Variants in FYB2 observed in about 807,000 individuals in gnomAD.
FYB2 encodes FYN binding protein 2.
Under a neutral mutation model 94.1 loss-of-function variants are expected in FYB2, and 103 were observed. The observed-to-expected ratio is 1.09, with a 90% CI of 0.93 to 1.29. FYB2 has a LOEUF of 1.29. Ranked by LOEUF, FYB2 falls within the 50% of genes most tolerant of loss-of-function variation. The pLI is 0.00. For synonymous variants in FYB2, 293 were observed against 287.9 expected, an observed-to-expected ratio of 1.02 and a Z score of -0.18; for missense variants, 896 against 841.5, an observed-to-expected ratio of 1.06 and a Z score of -0.80.
Position 56,726,483 on chromosome 1 carries a change from C to T in FYB2, c.1880+14G>A. ...AGCAGATAAGCTATAATAGAAGTGC[C>T]TCTGTGTTCCCACCTTTCTGATTCT... On this transcript the variant is annotated intron_variant, in intron 16 of 19. Coordinates refer to ENST00000343433, the MANE Select transcript of FYB2 (RefSeq NM_001004303.5). The T allele has an allele frequency of 4.4e-6, 7 of 1,607,688 alleles. No homozygotes were observed. Among genetic ancestry groups the T allele is most frequent in the Non-Finnish European group, 5.1e-6 (6 of 1,176,658 alleles).
intron 4 of FYB2, among the ~76,000 whole-genome samples, chr1:56,783,259 C>T (rs1030345617): frequency 2.0e-5 from 3 of 152,050 alleles, no homozygotes; most frequent in Non-Finnish European, 2.9e-5. Context: ...ATGTGTGTAT[C>T]GAAGATCTGA....
intron 5 of FYB2, among the ~76,000 whole-genome samples, chr1:56,762,825 G>A (rs1003436517): frequency 6.6e-6 from 1 of 152,124 alleles, no homozygotes; most frequent in Non-Finnish European, 1.5e-5. Flanking sequence ...CGGTAGTAGG[G>A]GAAAAGCATT....
intron 4 of FYB2, among the ~76,000 whole-genome samples, chr1:56,775,287 T>C (rs1384374907): frequency 6.6e-6 from 1 of 152,160 alleles, no homozygotes; most frequent in Non-Finnish European, 1.5e-5. Flanking sequence ...TTTCTATTCA[T>C]GTATATGTAA....
chr1:56,745,472 A>C (rs911071157), intron 9 of FYB2, among the ~76,000 whole-genome samples: 3 of 151,980 alleles, frequency 2.0e-5, no homozygotes, highest in African/African-American at 7.2e-5. Context: ...AAAACCTTGG[A>C]GACATCCTCG....
chr1:56,722,029 G>T (rs1402096917), intron 17 of FYB2, among the ~76,000 whole-genome samples: 1 of 152,012 alleles, frequency 6.6e-6, no homozygotes, highest in Non-Finnish European at 1.5e-5. Context: ...ACATATACAG[G>T]AAATGGAATA....
chr1:56,742,269 T>C lies in FYB2; in HGVS notation c.1544-48A>G, dbSNP rs1644973544. ...CTTATATTCATTATAATAGCAATAGTTCAGATTCATATTTAACAAAAAGTA... is the reference window on the plus strand; with the variant it reads ...CTTATATTCATTATAATAGCAATAGCTCAGATTCATATTTAACAAAAAGTA... On this transcript the variant is annotated intron_variant, in intron 11 of 19. Coordinates refer to ENST00000343433, the MANE Select transcript of FYB2 (RefSeq NM_001004303.5). The C allele has an allele frequency of 2.2e-6, 3 of 1,386,184 alleles. 1 individual carries two copies. Among genetic ancestry groups the C allele is most frequent in the South Asian group, 2.5e-5 (2 of 79,910 alleles). The allele number at this position is 1,386,184 out of a possible 1,614,324, so 85.9% of individuals were successfully genotyped here.
intron 4 of FYB2, 35 bp from the exon 5 acceptor site, chr1:56,767,973 T>C: frequency 1.4e-6 from 2 of 1,445,510 alleles, no homozygotes; most frequent in Non-Finnish European, 1.9e-6. Flanking sequence ...ATGTAACATT[T>C]TTAAAAACAT....
chr1:56,765,659 G>A lies in FYB2; in HGVS notation c.1063+2170C>T, dbSNP rs369780618. Among the ~76,000 whole-genome samples, 198 of 152,288 alleles carry A rather than the reference G, an allele frequency of 1.3e-3. 5 individuals carry two copies. In the South Asian group the frequency reaches 0.035, roughly 27 times the overall value. ...GCAGGCTTCAGCTGAAGCTGTTGTT[G>A]TGCCCACTGGTGTTTCTGAGTTGCT... On this transcript the variant is annotated intron_variant, in intron 5 of 19. Coordinates refer to ENST00000343433, the MANE Select transcript of FYB2 (RefSeq NM_001004303.5).
At chr1:56,804,723 C>A (rs916263925) in intron 1 of FYB2, among the ~76,000 whole-genome samples, 4 of 151,924 alleles carry the variant, frequency 2.6e-5, no homozygotes, top group African/African-American at 9.7e-5. Flanking sequence ...GAGTGAGACT[C>A]CATCTCAATA....
chr1:56,824,002 G>A (rs1473193985), upstream of FYB2: 1 of 152,198 alleles, frequency 6.6e-6, no homozygotes, highest in African/African-American at 2.4e-5. Context: ...AACTCAAGCA[G>A]GGAACCCCCG....
At position 56,792,151 on chromosome 1, in the gene FYB2, A is replaced by G. The variant is rs749937228; in HGVS notation, c.662T>C (p.Ile221Thr). 6.2e-7 allele frequency: 1 copy of G among 1,613,802 alleles called. No homozygotes were observed. Among genetic ancestry groups the G allele is most frequent in the East Asian group, 2.2e-5 (1 of 44,868 alleles). Reference sequence around the variant, plus strand: ...AGGTGGGTTTTCCCAGCTTTTTCTGATATGTTGAGAAATTACAAAAGAGGG... The same window carrying G: ...AGGTGGGTTTTCCCAGCTTTTTCTGGTATGTTGAGAAATTACAAAAGAGGG... ...EDPSFVISQH[I>T]RKSWENPPPE... Residue 221 changes from isoleucine (I) to threonine (T), a missense_variant, in exon 2 of 20, where the codon ATC becomes ACC. Coordinates refer to ENST00000343433, the MANE Select transcript of FYB2 (RefSeq NM_001004303.5).
intron 16 of FYB2, among the ~76,000 whole-genome samples, chr1:56,725,835 A>AT (rs1644572994): frequency 6.6e-6 from 1 of 152,036 alleles, no homozygotes; most frequent in Non-Finnish European, 1.5e-5. Context: ...CAATGTTCAC[A>AT]TGTCAGTGAC....
intron 4 of FYB2, among the ~76,000 whole-genome samples, chr1:56,773,891 C>A (rs1645816935): frequency 6.6e-6 from 1 of 152,034 alleles, no homozygotes; most frequent in Non-Finnish European, 1.5e-5. Context: ...GAATGTGACA[C>A]CATCTGATTT....
chr1:56,814,996 C>T (rs1306148321), intron 1 of FYB2, among the ~76,000 whole-genome samples: 3 of 152,144 alleles, frequency 2.0e-5, no homozygotes, highest in African/African-American at 4.8e-5. Context: ...AGTTGGACCT[C>T]CCATCTTAGA....
intron 1 of FYB2, among the ~76,000 whole-genome samples, chr1:56,804,382 G>GTTTTAAAAAGTA (rs1372001733): frequency 1.3e-5 from 2 of 152,106 alleles, no homozygotes; most frequent in Admixed American, 1.3e-4. Flanking sequence ...TCTTTTAAAA[G>GTTTTAAAAAGTA]GCTTTCTTTG....
intron 1 of FYB2, among the ~76,000 whole-genome samples, chr1:56,793,943 G>A (rs1646335423): frequency 6.6e-6 from 1 of 152,130 alleles, no homozygotes; most frequent in Admixed American, 6.5e-5. Flanking sequence ...GAAATACTCT[G>A]AGAAACTTGA....
At chr1:56,721,344 CTATT>C (rs1644482008) in intron 17 of FYB2, among the ~76,000 whole-genome samples, 1 of 152,042 alleles carries the variant, frequency 6.6e-6, no homozygotes, top group Non-Finnish European at 1.5e-5. Context: ...CTATCTATAA[CTATT>C]TATTATTATG....
chr1:56,804,233 A>G (rs1010785007), intron 1 of FYB2, among the ~76,000 whole-genome samples: 2 of 152,222 alleles, frequency 1.3e-5, no homozygotes, highest in African/African-American at 2.4e-5. Context: ...TCAGGTAGAA[A>G]TACATGCTCA....
At chr1:56,752,086 G>A (rs1477596137) in intron 8 of FYB2, among the ~76,000 whole-genome samples, 1 of 151,964 alleles carries the variant, frequency 6.6e-6, no homozygotes, top group Admixed American at 6.6e-5. Flanking sequence ...GTCCTTATAA[G>A]GGTAGCAAGG....
Sources: allele counts gnomAD v4.1 joint callset (sites outside exome capture counted in the v4.1 genomes callset), GRCh38; gene constraint gnomAD v4.1.1; transcripts MANE v1.5; gene names NCBI Gene and HGNC (gene_info 2026-07-23, HGNC 2026-07-21).